Variants in WDR72 observed in about 807,000 individuals in gnomAD.
The protein encoded by WDR72 is WD repeat domain 72.
Under a neutral mutation model 124.2 loss-of-function variants are expected in WDR72, and 120 were observed. That is an observed-to-expected ratio of 0.97 (90% CI 0.83 to 1.12). The LOEUF (loss-of-function observed/expected upper bound fraction) is 1.12. Ranked by LOEUF, WDR72 falls within the 50% of genes most tolerant of loss-of-function variation. The probability of loss-of-function intolerance (pLI) is 0.00; values close to 1 mark genes in which losing one functional copy is unlikely to be tolerated. For missense variants in WDR72, 1,387 were observed against 1,278.8 expected (o/e 1.08, Z -1.29); for synonymous variants, 452 against 441.7 (o/e 1.02, Z -0.29).
intron 9 of WDR72, among the ~76,000 whole-genome samples, chr15:53,709,473 A>G (rs1325864161): frequency 1.3e-5 from 2 of 152,188 alleles, no homozygotes; most frequent in African/African-American, 2.4e-5. Context: ...TTCTTTCCTC[A>G]TGGTTATACA....
At position 53,705,127 on chromosome 15, in the gene WDR72, T is replaced by A. The variant is rs2017311663; in HGVS notation, c.1209A>T (p.Gly403=). 6.2e-7 allele frequency: 1 copy of A among 1,614,130 alleles called. No individual in the cohort carries two copies. Among genetic ancestry groups the A allele is most frequent in the Middle Eastern group, 1.7e-4 (1 of 6,060 alleles). Residue 403 remains glycine, a synonymous_variant, in exon 11 of 20, where the codon GGA becomes GGT. Transcript: ENST00000360509. Reference sequence around the variant, plus strand: ...ACTCTGATGAAGTGACTACAGCAGTTCCTGCCCCATCTTTAAGCCCAGAGA... The same window carrying A: ...ACTCTGATGAAGTGACTACAGCAGTACCTGCCCCATCTTTAAGCCCAGAGA... The part of the protein sequence containing the change: ...DYFSGLKDGA[G]TAVVTSSEYI...
rs536737927 is a variant in WDR72, at chr15:53,579,681, T to C, written c.3148+17398A>G. ...TAGGCTTCTCTGAGCCTCAGTTTTC[T>C]TGGCAGGAAGAACAAAGGGCTCAGA... On this transcript the variant is annotated intron_variant, in intron 18 of 19. Coordinates refer to ENST00000360509, the MANE Select transcript of WDR72 (RefSeq NM_182758.4). 2.6e-5 allele frequency among the ~76,000 whole-genome samples: 4 copies of C among 152,238 alleles called. No homozygotes were observed. In the South Asian group the frequency reaches 6.2e-4, roughly 24 times the overall value.
chr15:53,544,002 A>T (rs1354972454), intron 18 of WDR72, among the ~76,000 whole-genome samples: 1 of 151,558 alleles, frequency 6.6e-6, no homozygotes, highest in Admixed American at 6.6e-5. Context: ...CAGGAGCTGA[A>T]ATTGTGGCAA....
At chr15:53,602,088 G>A (rs2140347049) in intron 17 of WDR72, among the ~76,000 whole-genome samples, 1 of 152,196 alleles carries the variant, frequency 6.6e-6, no homozygotes, top group South Asian at 2.1e-4. Flanking sequence ...ATAATTGGAA[G>A]TAAAACACTC....
chr15:53,712,379 C>A (rs8039611), intron 7 of WDR72, among the ~76,000 whole-genome samples: 2 of 152,042 alleles, frequency 1.3e-5, no homozygotes, highest in Non-Finnish European at 2.9e-5. Context: ...GGGCAGATCA[C>A]GAGGTCAGGA....
At chr15:53,546,326 A>G (rs1179225285) in intron 18 of WDR72, among the ~76,000 whole-genome samples, 1 of 152,110 alleles carries the variant, frequency 6.6e-6, no homozygotes, top group Admixed American at 6.5e-5. Flanking sequence ...ATGGAATACT[A>G]TGCAGCCATA....
At chr15:53,562,289 C>T (rs187034243) in intron 18 of WDR72, among the ~76,000 whole-genome samples, 247 of 151,812 alleles carry the variant, frequency 1.6e-3, no homozygotes, top group Middle Eastern at 0.014. Context: ...TTTTTTCCAA[C>T]CTGTGGCCTA....
intron 18 of WDR72, among the ~76,000 whole-genome samples, chr15:53,575,325 T>A (rs899053580): frequency 1.3e-5 from 2 of 152,142 alleles, no homozygotes; most frequent in African/African-American, 4.8e-5. Flanking sequence ...AGATGCTTTA[T>A]AACTGGATGC....
chr15:53,571,402 ACTACC>A (rs1468145366), intron 18 of WDR72, among the ~76,000 whole-genome samples: 7 of 152,160 alleles, frequency 4.6e-5, no homozygotes, highest in African/African-American at 1.7e-4. Context: ...TCCTGAAACT[ACTACC>A]CTATTCTCTG....
chr15:53,621,435 A>T (rs903083234), intron 14 of WDR72, among the ~76,000 whole-genome samples: 1 of 131,456 alleles, frequency 7.6e-6, no homozygotes, highest in Non-Finnish European at 1.6e-5. Context: ...ACTGTGATAT[A>T]TATATATATA....
chr15:53,528,093 G>A (rs1566943239), intron 18 of WDR72, among the ~76,000 whole-genome samples: 1 of 152,070 alleles, frequency 6.6e-6, no homozygotes, highest in Non-Finnish European at 1.5e-5. Context: ...CATAATCTAT[G>A]AAAAGATGTT....
At chr15:53,608,596 A>T (rs1056938404) in intron 17 of WDR72, among the ~76,000 whole-genome samples, 14 of 151,782 alleles carry the variant, frequency 9.2e-5, no homozygotes, top group African/African-American at 3.4e-4. Context: ...CTCTTTAAAA[A>T]TACAGAAAAA....
At chr15:53,723,608 T>C (rs2017938582) in intron 2 of WDR72, among the ~76,000 whole-genome samples, 2 of 152,148 alleles carry the variant, frequency 1.3e-5, no homozygotes, top group South Asian at 2.1e-4. Flanking sequence ...TCATTATCCA[T>C]GGGGGACTGG....
chr15:53,716,754 AC>A, intron 3 of WDR72, 69 bp from the exon 4 acceptor site: 2 of 1,250,310 alleles, frequency 1.6e-6, no homozygotes, highest in Non-Finnish European at 2.4e-6. Context: ...TTTTTGTGCC[AC>A]CAAGTTTTTC....
intron 18 of WDR72, among the ~76,000 whole-genome samples, chr15:53,572,970 T>C (rs1595767909): frequency 3.3e-5 from 5 of 152,214 alleles, no homozygotes; most frequent in Admixed American, 3.3e-4. Flanking sequence ...AGCAGTAGAA[T>C]GTTGCTTTAT....
intron 13 of WDR72, among the ~76,000 whole-genome samples, chr15:53,672,836 A>G (rs2016041496): frequency 6.6e-6 from 1 of 152,186 alleles, no homozygotes; most frequent in Non-Finnish European, 1.5e-5. Flanking sequence ...TTCTACTTAA[A>G]TATTTTATTT....
intron 14 of WDR72, among the ~76,000 whole-genome samples, chr15:53,649,456 T>C (rs1361144333): frequency 3.3e-5 from 5 of 152,100 alleles, no homozygotes; most frequent in African/African-American, 1.2e-4. Flanking sequence ...TCCCCTTAAT[T>C]CAGTTGTTAC....
intron 18 of WDR72, among the ~76,000 whole-genome samples, chr15:53,530,557 A>G (rs1324079330): frequency 6.6e-6 from 1 of 152,062 alleles, no homozygotes; most frequent in Non-Finnish European, 1.5e-5. Context: ...ATACATTCCA[A>G]AGAAGAAAAT....
chr15:53,578,335 T>C (rs1329519847), intron 18 of WDR72, among the ~76,000 whole-genome samples: 15 of 151,896 alleles, frequency 9.9e-5, no homozygotes, highest in Non-Finnish European at 4.4e-5. Flanking sequence ...TTTCCAGAGG[T>C]TGCCCATGAC....
Sources: allele counts gnomAD v4.1 joint callset (sites outside exome capture counted in the v4.1 genomes callset), GRCh38; gene constraint gnomAD v4.1.1; transcripts MANE v1.5; gene names NCBI Gene and HGNC (gene_info 2026-07-23, HGNC 2026-07-21).